VPS26A: variants seen among roughly 807,000 people sequenced by gnomAD.
The protein encoded by VPS26A is VPS26 retromer complex component A, also known as vacuolar protein sorting-associated protein 26A.
A neutral mutation model predicts 42.4 loss-of-function variants in VPS26A; 22 were observed. The observed-to-expected ratio is 0.52, with a 90% confidence interval of 0.37 to 0.74. The LOEUF (loss-of-function observed/expected upper bound fraction) is 0.74, where lower values mean the gene tolerates loss of function less well. Ranked by LOEUF, VPS26A falls within the 30% of genes least tolerant of loss-of-function variation. The pLI, the probability that VPS26A is intolerant of heterozygous loss-of-function variation, is 0.00. For synonymous variants in VPS26A, 110 were observed against 123.5 expected (o/e 0.89, Z 0.73); for missense variants, 276 against 379.2 (o/e 0.73, Z 2.26).
chr10:69,164,298 G>A (rs1293715370), intron 6 of VPS26A, among the ~76,000 whole-genome samples: 1 of 151,432 alleles, frequency 6.6e-6, no homozygotes, highest in Non-Finnish European at 1.5e-5. Context: ...GCTCACTGCA[G>A]CCTTGAACTC....
At chr10:69,142,633 T>C (rs1177359034) in intron 2 of VPS26A, among the ~76,000 whole-genome samples, 1 of 152,080 alleles carries the variant, frequency 6.6e-6, no homozygotes, top group Non-Finnish European at 1.5e-5. Flanking sequence ...AAGAAAGACA[T>C]TTTAAACCTC....
chr10:69,173,531 A>C lies in VPS26A; in HGVS notation c.*2262A>C, dbSNP rs1841864615. Among the ~76,000 whole-genome samples, 1 of 152,192 alleles carries C rather than the reference A, an allele frequency of 6.6e-6. No individual in the cohort carries two copies. Among genetic ancestry groups the C allele is most frequent in the African/African-American group, 2.4e-5 (1 of 41,458 alleles). On this transcript the variant is annotated 3_prime_UTR_variant, in exon 9 of 9. Transcript: ENST00000263559. The stretch of plus-strand genomic sequence containing the variant: ...CAGCTATTTAGGAAGCTGAGACAGG[A>C]AGATCCCTTTGAGAGGTGAAGCCAG...
chr10:69,140,919 C>G (rs1260100383), intron 2 of VPS26A, among the ~76,000 whole-genome samples: 2 of 152,202 alleles, frequency 1.3e-5, no homozygotes, highest in East Asian at 1.9e-4. Context: ...TCCTCCTGCA[C>G]AACCCTAGTA....
At chr10:69,152,860 C>T (rs907118378) in intron 2 of VPS26A, among the ~76,000 whole-genome samples, 1 of 151,700 alleles carries the variant, frequency 6.6e-6, no homozygotes, top group African/African-American at 2.4e-5. Flanking sequence ...GTCCCAGCCA[C>T]CCAGGAGGCT....
At chr10:69,124,865 C>T (rs1840616143) in intron 1 of VPS26A, among the ~76,000 whole-genome samples, 1 of 152,194 alleles carries the variant, frequency 6.6e-6, no homozygotes, top group Non-Finnish European at 1.5e-5. Context: ...TCTTTAACTC[C>T]AGAGACACCC....
intron 2 of VPS26A, among the ~76,000 whole-genome samples, chr10:69,143,472 T>C (rs1841087365): frequency 6.6e-6 from 1 of 152,222 alleles, no homozygotes; most frequent in Non-Finnish European, 1.5e-5. Context: ...CGTGAGTTTC[T>C]GTATGCCTAC....
chr10:69,168,447 T>G, intron 7 of VPS26A, 42 bp from the exon 8 acceptor site: 1 of 1,592,906 alleles, frequency 6.3e-7, no homozygotes, highest in Non-Finnish European at 8.6e-7. Context: ...GTGACTATAT[T>G]TAATCATCTT....
intron 3 of VPS26A, 128 bp downstream of exon 3, chr10:69,156,015 AAGAG>A: frequency 4.4e-6 from 3 of 676,574 alleles, no homozygotes; most frequent in Non-Finnish European, 7.4e-6. Context: ...TGCATAATAA[AAGAG>A]AGGATTTACT....
intron 2 of VPS26A, among the ~76,000 whole-genome samples, chr10:69,137,824 G>A (rs558079860): frequency 6.7e-6 from 1 of 150,258 alleles, no homozygotes; most frequent in South Asian, 2.1e-4. Flanking sequence ...GAAAGGACAT[G>A]GGGGCCCTAG....
At chr10:69,153,589 AG>A (rs1427122173) in intron 2 of VPS26A, among the ~76,000 whole-genome samples, 1 of 151,424 alleles carries the variant, frequency 6.6e-6, no homozygotes, top group East Asian at 1.9e-4. Flanking sequence ...ACCTTAATTA[AG>A]CAGCCTTCCT....
At chr10:69,124,482 C>G (rs965782765) in intron 1 of VPS26A, among the ~76,000 whole-genome samples, 3 of 152,040 alleles carry the variant, frequency 2.0e-5, no homozygotes, top group Non-Finnish European at 2.9e-5. Context: ...GCCCGAGCAC[C>G]TACGGGCGGC....
chr10:69,174,235 C>T lies in VPS26A; in HGVS notation c.*2966C>T, dbSNP rs995548950. 6.6e-6 allele frequency among the ~76,000 whole-genome samples: 1 copy of T among 152,010 alleles called. No homozygotes were observed. Among genetic ancestry groups the T allele is most frequent in the African/African-American group, 2.4e-5 (1 of 41,388 alleles). ...CGGCTCCGTTAAGTCAGCGAGACCGCAAACCCACTGGAAGGAACCAACTCT... is the reference window on the plus strand; with the variant it reads ...CGGCTCCGTTAAGTCAGCGAGACCGTAAACCCACTGGAAGGAACCAACTCT... On this transcript the variant is annotated 3_prime_UTR_variant, in exon 9 of 9. Coordinates refer to ENST00000263559, the MANE Select transcript of VPS26A (RefSeq NM_004896.5).
At chr10:69,158,915 C>T (rs184517069) in intron 5 of VPS26A, among the ~76,000 whole-genome samples, 18 of 152,098 alleles carry the variant, frequency 1.2e-4, no homozygotes, top group Middle Eastern at 3.4e-3. Context: ...GAATTTGCTT[C>T]GATACAATCT....
rs769927610 is a variant in VPS26A at position 69,171,210 on chromosome 10, T to G, written c.925T>G (p.Phe309Val). 8 of 1,613,786 alleles carry G rather than the reference T, an allele frequency of 5.0e-6. No individual in the cohort carries two copies. The highest frequency in any genetic ancestry group is 6.8e-6 in the Non-Finnish European group (8 of 1,179,918). Residue 309 changes from phenylalanine (F) to valine (V), a missense_variant, in exon 9 of 9, where the codon TTT becomes GTT. Coordinates refer to ENST00000263559, the MANE Select transcript of VPS26A (RefSeq NM_004896.5). ...AAAACTGAGGAAACAGAGAACAAAC[T>G]TTCACCAGCGATTTGAATCTCCAGA... is the stretch of plus-strand genomic sequence containing the variant. The part of the protein sequence containing the change: ...PEKLRKQRTN[F>V]HQRFESPESQ...
intron 2 of VPS26A, among the ~76,000 whole-genome samples, chr10:69,151,756 T>C (rs1417899046): frequency 6.6e-6 from 1 of 152,184 alleles, no homozygotes; most frequent in Non-Finnish European, 1.5e-5. Context: ...TTTAAAAATA[T>C]CAGACAAAGC....
chr10:69,128,890 G>A (rs1052075370), intron 1 of VPS26A, among the ~76,000 whole-genome samples: 1 of 149,856 alleles, frequency 6.7e-6, no homozygotes, highest in African/African-American at 2.4e-5. Flanking sequence ...CAGCTACTTG[G>A]GAGGCTTGAG....
intron 5 of VPS26A, among the ~76,000 whole-genome samples, chr10:69,160,971 C>T (rs1273484505): frequency 6.6e-6 from 1 of 152,166 alleles, no homozygotes; most frequent in African/African-American, 2.4e-5. Context: ...GTTAGCTGCA[C>T]TCTTGTAGAA....
In VPS26A at chr10:69,155,880, T is replaced by A; in HGVS notation, c.222T>A (p.Gly74=). The change falls in exon 3 of 9, where the codon GGT becomes GGA. Residue 74 remains glycine, a synonymous_variant. Transcript: ENST00000263559. ...EHQGIRIEFV[G]QIELFNDKSN... ...AAGGAATTAGAATTGAATTTGTAGG[T>A]CAAATTGGTGAGTTTTAAAATAGTA... 1 of 1,609,862 alleles carries A rather than the reference T, an allele frequency of 6.2e-7. No homozygotes were observed. The highest frequency in any genetic ancestry group is 8.5e-7 in the Non-Finnish European group (1 of 1,177,518).
At chr10:69,124,677 C>T (rs1328335706) in intron 1 of VPS26A, among the ~76,000 whole-genome samples, 1 of 152,190 alleles carries the variant, frequency 6.6e-6, no homozygotes, top group Admixed American at 6.5e-5. Context: ...CCCGGGAGCC[C>T]CCCACCTCCG....
Sources: allele counts gnomAD v4.1 joint callset (sites outside exome capture counted in the v4.1 genomes callset), GRCh38; gene constraint gnomAD v4.1.1; transcripts MANE v1.5; gene names NCBI Gene and HGNC (gene_info 2026-07-23, HGNC 2026-07-21).